Variants in COG3 observed in about 807,000 individuals in gnomAD.
The protein encoded by COG3 is conserved oligomeric Golgi complex subunit 3.
COG3 carries 32 observed loss-of-function variants against 114.1 expected under a neutral mutation model. That is an observed-to-expected ratio of 0.28 (90% confidence interval 0.21 to 0.38). The LOEUF (loss-of-function observed/expected upper bound fraction) is 0.38. Among genes scored for constraint, COG3 ranks in the 10% least tolerant of loss-of-function variants. COG3 has a pLI of 1.00. For missense variants in COG3, 813 were observed against 973.2 expected, an observed-to-expected ratio of 0.84 and a Z score of 2.19; for synonymous variants, 352 against 365.7, an observed-to-expected ratio of 0.96 and a Z score of 0.43.
At chr13:45,500,873 A>G (rs1869449521) in intron 13 of COG3, among the ~76,000 whole-genome samples, 1 of 152,104 alleles carries the variant, frequency 6.6e-6, no homozygotes, top group South Asian at 2.1e-4. Flanking sequence ...TCGATGACTT[A>G]GCAGTGTTGA....
intron 8 of COG3, 123 bp downstream of exon 8, chr13:45,486,698 T>A (rs961409436): frequency 4.4e-5 from 31 of 706,632 alleles, no homozygotes; most frequent in African/African-American, 4.2e-4. Context: ...AAGGTTGACA[T>A]TGTCCTTCCA....
chr13:45,493,848 G>A (rs1170802289), intron 12 of COG3: 2 of 83,162 alleles, frequency 2.4e-5, no homozygotes, highest in Non-Finnish European at 2.3e-5. Context: ...GTATACTTTT[G>A]ATTAAAAAAC....
At chr13:45,479,131 C>G (rs1320988280) in intron 3 of COG3, 65 bp downstream of exon 3, 1 of 1,137,424 alleles carries the variant, frequency 8.8e-7, no homozygotes, top group Non-Finnish European at 1.3e-6. Flanking sequence ...TGAAGCATTT[C>G]ATAATCAGTG....
intron 12 of COG3, among the ~76,000 whole-genome samples, chr13:45,495,769 C>T (rs3014949): frequency 0.9 from 136,866 of 152,228 alleles, 61,667 homozygotes; most frequent in African/African-American, 0.94. Context: ...ACAAGTCATT[C>T]AATATCTGTG....
intron 2 of COG3, 95 bp downstream of exon 2, chr13:45,476,442 C>A: frequency 3.2e-6 from 4 of 1,237,464 alleles, no homozygotes; most frequent in Non-Finnish European, 4.6e-6. Flanking sequence ...GAACATTTGT[C>A]ACCATAATTA....
At chr13:45,470,091 A>G (rs988969560) in intron 1 of COG3, among the ~76,000 whole-genome samples, 3 of 152,198 alleles carry the variant, frequency 2.0e-5, no homozygotes, top group African/African-American at 4.8e-5. Flanking sequence ...GACAATGACA[A>G]TGTAAGAGTA....
chr13:45,512,820 G>A (rs539489173), intron 16 of COG3, among the ~76,000 whole-genome samples: 1 of 152,174 alleles, frequency 6.6e-6, no homozygotes, highest in East Asian at 1.9e-4. Flanking sequence ...TCACCATGTT[G>A]CACAGGCTGG....
At chr13:45,489,497 G>C (rs1217385314) in intron 8 of COG3, among the ~76,000 whole-genome samples, 2 of 152,064 alleles carry the variant, frequency 1.3e-5, no homozygotes, top group African/African-American at 4.8e-5. Flanking sequence ...AAAAGGTATA[G>C]ATAAGAGGGC....
chr13:45,535,865 C>G lies in COG3; in HGVS notation c.*1134C>G. 2 of 987,542 alleles carry G rather than the reference C, an allele frequency of 2.0e-6. No homozygotes were observed. The highest frequency in any genetic ancestry group is 2.4e-6 in the Non-Finnish European group (2 of 830,078). The allele number at this position is 987,542 out of a possible 1,614,324, so 61.2% of individuals were successfully genotyped here. A position where few individuals can be genotyped will look rare whatever the true frequency, so the allele number is the denominator to read the frequency against. On this transcript the variant is annotated 3_prime_UTR_variant, in exon 23 of 23. Coordinates refer to ENST00000349995, the MANE Select transcript of COG3 (RefSeq NM_031431.4). ...GGTTTTGCCGCTGATGTTAAGGCAGCCAGCTTCTTAGTTCAAAAAGAATTC... is the reference window on the plus strand; with the variant it reads ...GGTTTTGCCGCTGATGTTAAGGCAGGCAGCTTCTTAGTTCAAAAAGAATTC...
In COG3 at chr13:45,516,551, A is replaced by G. The variant is rs112051639; in HGVS notation, c.1930+288A>G. Among the ~76,000 whole-genome samples the G allele has an allele frequency of 3.6e-3, 554 of 152,348 alleles. 5 individuals carry two copies. The highest frequency in any genetic ancestry group is 0.013 in the African/African-American group (541 of 41,568). On this transcript the variant is annotated intron_variant, in intron 17 of 22. Transcript: ENST00000349995. ...CAGTTAAAAAGTGAAAAATCTGTAT[A>G]ATAACTGCTTCCTAAGTAAGTAATG...
intron 14 of COG3, among the ~76,000 whole-genome samples, chr13:45,508,430 A>G (rs1171116246): frequency 1.4e-5 from 2 of 142,468 alleles, no homozygotes; most frequent in Non-Finnish European, 3.1e-5. Flanking sequence ...ACACACATAC[A>G]CATATATATA....
At chr13:45,480,900 C>A (rs969251131) in intron 4 of COG3, among the ~76,000 whole-genome samples, 5 of 152,172 alleles carry the variant, frequency 3.3e-5, no homozygotes, top group East Asian at 1.9e-4. Flanking sequence ...GTGATTGTAC[C>A]AATGGTGAGA....
chr13:45,480,273 C>T lies in COG3; in HGVS notation c.532C>T (p.Gln178Ter). Residue 178 changes from glutamine to a stop codon, truncating the protein, a stop_gained, in exon 4 of 23, where the codon CAG becomes TAG. Transcript: ENST00000349995. LOFTEE classifies it high-confidence loss of function. ...KTGTLHEACE[Q>*]LLKEQSELVD... ...AGGAACCCTACATGAAGCCTGTGAA[C>T]AGCTCCTAAAAGAACAGGTAATTTG... 1 of 1,611,398 alleles carries T rather than the reference C, an allele frequency of 6.2e-7. No individual in the cohort carries two copies. Among genetic ancestry groups the T allele is most frequent in the Non-Finnish European group, 8.5e-7 (1 of 1,178,382 alleles).
chr13:45,496,195 A>G lies in COG3; in HGVS notation c.1371A>G (p.Leu457=). The change falls in exon 13 of 23, where the codon TTA becomes TTG. Residue 457 remains leucine (L), a synonymous_variant. Transcript: ENST00000349995. The stretch of plus-strand genomic sequence containing the variant: ...TTGCAGCTGGAGTCAAGCAGATGTT[A>G]GAAGATGTACAGGAGCGGCTCGTCT... The part of the protein sequence containing the change: ...GAFAAGVKQM[L]EDVQERLVYR... 1 of 1,611,936 alleles carries G rather than the reference A, an allele frequency of 6.2e-7. No individual in the cohort carries two copies. Among genetic ancestry groups the G allele is most frequent in the South Asian group, 1.1e-5 (1 of 90,908 alleles).
chr13:45,515,532 C>T (rs6561233), intron 16 of COG3, among the ~76,000 whole-genome samples: 22,049 of 152,072 alleles, frequency 0.14, 2,547 homozygotes, highest in African/African-American at 0.32. Context: ...GGTTTGAGAA[C>T]GGAGTTTGAA....
At position 45,478,995 on chromosome 13, in the gene COG3, G is replaced by A; in HGVS notation, c.322-10G>A. 6.2e-7 allele frequency: 1 copy of A among 1,603,864 alleles called. No homozygotes were observed. Among genetic ancestry groups the A allele is most frequent in the Non-Finnish European group, 8.5e-7 (1 of 1,173,846 alleles). ...AGTTTTGTTCACAATATAATACTCT[G>A]TTTTTCCAGTTTTTCTCATGGTTTG... is the stretch of plus-strand genomic sequence containing the variant. On this transcript the variant is annotated splice_polypyrimidine_tract_variant and intron_variant, in intron 2 of 22. Transcript: ENST00000349995.
At position 45,480,303 on chromosome 13, in the gene COG3, AAGAG is replaced by A; in HGVS notation, c.549+18_549+21del. ...CCTAAAAGAACAGGTAATTTGGAGT[AAGAG>A]AGAGGATCAGTCATTATATTTAATA... On this transcript the variant is annotated intron_variant, in intron 4 of 22. Transcript: ENST00000349995. The A allele has an allele frequency of 6.4e-7, 1 of 1,567,880 alleles. No individual in the cohort carries two copies. The highest frequency in any genetic ancestry group is 8.7e-7 in the Non-Finnish European group (1 of 1,145,758).
At position 45,483,330 on chromosome 13, in the gene COG3, C is replaced by A; in HGVS notation, c.818C>A (p.Thr273Asn). ...MKTYTVNTLQ[T>N]LTSQLLKRDP... Reference sequence around the variant, plus strand: ...ACATATACTGTGAACACACTACAGACCCTCACAAGTCAGTTACTGAAAAGG... The same window carrying A: ...ACATATACTGTGAACACACTACAGAACCTCACAAGTCAGTTACTGAAAAGG... The change falls in exon 7 of 23, where the codon ACC (threonine) becomes AAC (asparagine). Residue 273 changes from threonine to asparagine, a missense_variant. Transcript: ENST00000349995. 6.3e-7 allele frequency: 1 copy of A among 1,591,648 alleles called. No homozygotes were observed. The highest frequency in any genetic ancestry group is 8.6e-7 in the Non-Finnish European group (1 of 1,169,260).
In COG3 at chr13:45,503,264, A is replaced by C; in HGVS notation, c.1509A>C (p.Lys503Asn). The C allele has an allele frequency of 6.3e-7, 1 of 1,592,228 alleles. No individual in the cohort carries two copies. The highest frequency in any genetic ancestry group is 1.3e-5 in the African/African-American group (1 of 74,552). Reference protein sequence around the residue: ...VMMEQIAQSLKDEQKKVPSEA... With the variant: ...VMMEQIAQSLNDEQKKVPSEA... The stretch of plus-strand genomic sequence containing the variant: ...TACAGCAGATTGCACAGAGTTTGAA[A>C]GATGAACAGAAGAAGGTACCTTCAG... The change falls in exon 14 of 23, where the codon AAA becomes AAC. Residue 503 changes from lysine (K) to asparagine (N), a missense_variant. Transcript: ENST00000349995.
Sources: gnomAD v4.1 joint callset for allele counts (sites outside exome capture counted in the v4.1 genomes callset) on GRCh38, gnomAD v4.1.1 for gene constraint, MANE v1.5 for transcripts, NCBI Gene and HGNC (gene_info 2026-07-23, HGNC 2026-07-21) for gene names.